OTOG: variants seen among roughly 807,000 people sequenced by gnomAD.
The protein encoded by OTOG is otogelin.
OTOG carries 296 observed loss-of-function variants against 313.8 expected under a neutral mutation model. The ratio of observed to expected loss-of-function variants is 0.94; its 90% CI spans 0.86 to 1.04. The LOEUF is 1.04. Ranked by LOEUF, OTOG falls within the 50% of genes least tolerant of loss-of-function variation. The pLI, the probability that OTOG is intolerant of heterozygous loss-of-function variation, is 0.00. For synonymous variants in OTOG, 1,533 were observed against 1,554.9 expected, an observed-to-expected ratio of 0.99 and a Z score of 0.33; for missense variants, 3,948 against 3,840.1, an observed-to-expected ratio of 1.03 and a Z score of -0.74.
chr11:17,600,279 T>C (rs1422702802), intron 31 of OTOG, among the ~76,000 whole-genome samples: 1 of 115,736 alleles, frequency 8.6e-6, no homozygotes, highest in Non-Finnish European at 1.7e-5. Flanking sequence ...ATTTAATCAC[T>C]GGGATTGGGT....
At chr11:17,570,907 T>G (rs1387460064) in intron 17 of OTOG, among the ~76,000 whole-genome samples, 1 of 152,146 alleles carries the variant, frequency 6.6e-6, no homozygotes, top group Non-Finnish European at 1.5e-5. Flanking sequence ...CTTTCCTACC[T>G]GGTACTTGAA....
intron 46 of OTOG, 27 bp from the exon 47 acceptor site, chr11:17,635,583 G>T (rs1854245009): frequency 6.5e-7 from 1 of 1,527,534 alleles, no homozygotes; most frequent in South Asian, 1.2e-5. Flanking sequence ...GGACTGCTGT[G>T]ACAGCATTGA....
chr11:17,586,775 T>C (rs1167512053), intron 24 of OTOG, among the ~76,000 whole-genome samples, 194 bp downstream of exon 24: 4 of 152,262 alleles, frequency 2.6e-5, no homozygotes, highest in African/African-American at 9.6e-5. Flanking sequence ...TTTTTGTTTT[T>C]ACATGAGTAT....
chr11:17,548,259 C>A lies in OTOG; in HGVS notation c.216+47C>A, dbSNP rs972920314. 9 of 1,467,272 alleles carry A rather than the reference C, an allele frequency of 6.1e-6. No individual in the cohort carries two copies. In the Admixed American group the frequency reaches 1.1e-4, roughly 18 times the overall value. 90.9% of individuals were successfully genotyped at this position (1,467,272 alleles called of 1,614,324 possible). A position where few individuals can be genotyped will look rare whatever the true frequency, so the allele number is the denominator to read the frequency against. ...GGCTTCATTGAGCAGGAGCTCATGT[C>A]TATCTGGATCTGAGGCTGGCAGGGA... is the stretch of plus-strand genomic sequence containing the variant. On this transcript the variant is annotated intron_variant, in intron 3 of 55. Coordinates refer to ENST00000399397, the MANE Select transcript of OTOG (RefSeq NM_001292063.2).
intron 28 of OTOG, among the ~76,000 whole-genome samples, chr11:17,595,156 T>C (rs1299823041): frequency 6.6e-6 from 1 of 152,082 alleles, no homozygotes; most frequent in East Asian, 1.9e-4. Context: ...GGCAGGGCTG[T>C]TCCCACAGCC....
At chr11:17,573,619 A>T (rs1852455348) in intron 19 of OTOG, among the ~76,000 whole-genome samples, 2 of 152,128 alleles carry the variant, frequency 1.3e-5, no homozygotes, top group African/African-American at 2.4e-5. Flanking sequence ...CTTGCGTTGC[A>T]CCTTTCAAAA....
At position 17,593,347 on chromosome 11, in the gene OTOG, A is replaced by T; in HGVS notation, c.3141+20A>T. The T allele has an allele frequency of 6.5e-7, 1 of 1,550,058 alleles. No homozygotes were observed. The highest frequency in any genetic ancestry group is 8.7e-7 in the Non-Finnish European group (1 of 1,146,684). Reference sequence around the variant, plus strand: ...AATCCTGTAAGGCTCAGTGCCTGTGAAGGTTGTGTAGACAATTTACAGGTT... The same window carrying T: ...AATCCTGTAAGGCTCAGTGCCTGTGTAGGTTGTGTAGACAATTTACAGGTT... On this transcript the variant is annotated intron_variant, in intron 26 of 55. Coordinates refer to ENST00000399397, the MANE Select transcript of OTOG (RefSeq NM_001292063.2).
chr11:17,558,747 C>A, intron 10 of OTOG, 103 bp downstream of exon 10: 1 of 1,191,238 alleles, frequency 8.4e-7, no homozygotes, highest in Non-Finnish European at 1.2e-6. Flanking sequence ...GCCAGATCTG[C>A]TTCCCAAGGC....
rs1047757472 is a variant in OTOG at position 17,591,076 on chromosome 11, T to C, written c.2868-374T>C. Among the ~76,000 whole-genome samples, 3 of 152,340 alleles carry C rather than the reference T, an allele frequency of 2.0e-5. No individual in the cohort carries two copies. The South Asian group carries it at 6.2e-4, about 32-fold the overall frequency. On this transcript the variant is annotated intron_variant, in intron 24 of 55. Transcript: ENST00000399397. ...TTCCCAGAGGCAGACGGTTTTCTTT[T>C]TGTTTTATTCACTGATGTATCACAA...
intron 12 of OTOG, among the ~76,000 whole-genome samples, 180 bp downstream of exon 12, chr11:17,559,842 AAAG>A (rs1160386960): frequency 1.0e-4 from 15 of 148,348 alleles, no homozygotes; most frequent in African/African-American, 3.5e-4. Context: ...AGGAAGGAAA[AAAG>A]GAGGAAAGAA....
At chr11:17,581,232 G>C (rs187896206) in intron 23 of OTOG, among the ~76,000 whole-genome samples, 71 of 152,326 alleles carry the variant, frequency 4.7e-4, no homozygotes, top group Non-Finnish European at 8.5e-4. Flanking sequence ...GCAAGTCTGT[G>C]CAAGGAGGAG....
At position 17,605,983 on chromosome 11, in the gene OTOG, T is replaced by C. The variant is rs934998011; in HGVS notation, c.4004T>C (p.Leu1335Ser). 1 of 1,550,468 alleles carries C rather than the reference T, an allele frequency of 6.4e-7. No homozygotes were observed. Among genetic ancestry groups the C allele is most frequent in the African/African-American group, 1.4e-5 (1 of 73,048 alleles). Residue 1335 changes from leucine (L) to serine (S), a missense_variant, in exon 33 of 56, where the codon TTG (leucine) becomes TCG (serine). Leu to Ser is a moderately radical substitution (Grantham distance 145). Transcript: ENST00000399397. ...RDTFQQHASFLLHRGTRQAGL... is the reference protein window; with the variant it reads ...RDTFQQHASFSLHRGTRQAGL... Reference sequence around the variant, plus strand: ...ACCTTCCAACAGCATGCCTCCTTCTTGCTGCACCGGGGGACACGGCAGGCA... The same window carrying C: ...ACCTTCCAACAGCATGCCTCCTTCTCGCTGCACCGGGGGACACGGCAGGCA...
rs372014625 is a variant in OTOG, at chr11:17,559,770, AGGAGGGAG to A, written c.1342+122_1342+129del. 531 of 320,388 alleles carry A rather than the reference AGGAGGGAG, an allele frequency of 1.7e-3. 15 individuals are homozygous for A. The highest frequency in any genetic ancestry group is 0.011 in the African/African-American group (476 of 45,248). 19.8% of individuals were successfully genotyped at this position (320,388 alleles called of 1,614,324 possible). On this transcript the variant is annotated intron_variant, in intron 12 of 55. Coordinates refer to ENST00000399397, the MANE Select transcript of OTOG (RefSeq NM_001292063.2). ...CCTGTTTGTGGAAGGAAGGAAGGAAAGGAGGGAGGGAGGGAGGGAGGAAGGAAAAAAAG... is the reference window on the plus strand; with the variant it reads ...CCTGTTTGTGGAAGGAAGGAAGGAAAGGAGGGAGGGAGGAAGGAAAAAAAG...
At chr11:17,608,632 G>A (rs1049569569) in intron 34 of OTOG, among the ~76,000 whole-genome samples, 1 of 152,220 alleles carries the variant, frequency 6.6e-6, no homozygotes, top group African/African-American at 2.4e-5. Context: ...GTTTGTGCGT[G>A]TACTACTACA....
chr11:17,568,662 A>G (rs561898953), intron 15 of OTOG, among the ~76,000 whole-genome samples: 5 of 152,328 alleles, frequency 3.3e-5, no homozygotes, highest in African/African-American at 1.2e-4. Context: ...GGAGGGAGGT[A>G]TAAAAGGGGC....
chr11:17,551,873 G>A lies in OTOG; in HGVS notation c.217-127G>A, dbSNP rs550961762. On this transcript the variant is annotated intron_variant, in intron 3 of 55. Transcript: ENST00000399397. ...GGCCAGGCGAGGAGGAGTGGCTGGG[G>A]CACTGAGGGGCAGGGGCTCCTCCCT... 1.4e-4 allele frequency: 109 copies of A among 761,838 alleles called. 1 individual carries two copies. In the South Asian group the frequency reaches 1.8e-3, roughly 12 times the overall value. 47.2% of individuals were successfully genotyped at this position (761,838 alleles called of 1,614,324 possible).
Position 17,559,032 on chromosome 11 carries a change from C to T in OTOG, c.1104-20C>T. The T allele has an allele frequency of 1.3e-6, 2 of 1,540,608 alleles. No individual in the cohort carries two copies. Among genetic ancestry groups the T allele is most frequent in the Non-Finnish European group, 1.8e-6 (2 of 1,139,942 alleles). On this transcript the variant is annotated intron_variant, in intron 10 of 55. Coordinates refer to ENST00000399397, the MANE Select transcript of OTOG (RefSeq NM_001292063.2). The stretch of plus-strand genomic sequence containing the variant: ...CACTTTGGGTTTTGTTCCAGTGTGA[C>T]CCTTGGTTTCTCTGCACAGATCAAT...
intron 23 of OTOG, among the ~76,000 whole-genome samples, chr11:17,585,941 C>A (rs1852784037): frequency 6.6e-6 from 1 of 152,234 alleles, no homozygotes; most frequent in South Asian, 2.1e-4. Flanking sequence ...AGCCCTGCCC[C>A]AGGCTGTATC....
At chr11:17,561,616 C>A in intron 14 of OTOG, 46 bp from the exon 15 acceptor site, 9 of 1,548,752 alleles carry the variant, frequency 5.8e-6, no homozygotes, top group Non-Finnish European at 7.9e-6. Flanking sequence ...GGCAGAGTTC[C>A]CCTGGGGCGG....
Sources: gnomAD v4.1 joint callset for allele counts (sites outside exome capture counted in the v4.1 genomes callset) on GRCh38, gnomAD v4.1.1 for gene constraint, MANE v1.5 for transcripts, NCBI Gene and HGNC (gene_info 2026-07-23, HGNC 2026-07-21) for gene names.